The following DLGAP1 variants were observed in gnomAD, a reference collection of about 807,000 sequenced individuals.
DLGAP1 encodes DLG associated protein 1, also known as disks large-associated protein 1.
Under a neutral mutation model 90.8 loss-of-function variants are expected in DLGAP1, and 11 were observed. That is an observed-to-expected ratio of 0.12 (90% CI 0.08 to 0.20). The LOEUF is 0.20. DLGAP1 is among the 10% of genes least tolerant of loss of function. DLGAP1 has a pLI of 1.00. For synonymous variants in DLGAP1, 558 were observed against 540.7 expected (o/e 1.03, Z -0.44); for missense variants, 1,050 against 1,333.8 (o/e 0.79, Z 3.31).
chr18:3,530,176 T>C (rs2051897927), intron 10 of DLGAP1, among the ~76,000 whole-genome samples: 1 of 151,854 alleles, frequency 6.6e-6, no homozygotes, highest in Non-Finnish European at 1.5e-5. Flanking sequence ...GAGGCAGAAG[T>C]GGGGGGATTG....
chr18:4,156,158 A>G (rs899829834), intron 1 of DLGAP1, among the ~76,000 whole-genome samples: 3 of 152,226 alleles, frequency 2.0e-5, no homozygotes, highest in Non-Finnish European at 2.9e-5. Context: ...CAGGCTTTTT[A>G]GGGAAAGCTG....
intron 2 of DLGAP1, among the ~76,000 whole-genome samples, chr18:4,017,615 C>T (rs2074543972): frequency 6.6e-6 from 1 of 152,126 alleles, no homozygotes; most frequent in South Asian, 2.1e-4. Flanking sequence ...CAAAGAGTGC[C>T]CCTGCTGAAA....
At chr18:4,002,959 G>C (rs1265075078) in intron 3 of DLGAP1, among the ~76,000 whole-genome samples, 2 of 152,128 alleles carry the variant, frequency 1.3e-5, no homozygotes, top group Non-Finnish European at 2.9e-5. Flanking sequence ...GAGTGTTCTG[G>C]ATGCTGATAC....
chr18:4,089,610 C>T (rs1455424894), intron 2 of DLGAP1, among the ~76,000 whole-genome samples: 1 of 152,086 alleles, frequency 6.6e-6, no homozygotes, highest in Non-Finnish European at 1.5e-5. Context: ...GACACATAGA[C>T]CAATGGAACA....
chr18:4,004,365 C>T (rs1282015482), intron 3 of DLGAP1, among the ~76,000 whole-genome samples: 1 of 133,932 alleles, frequency 7.5e-6, no homozygotes, highest in East Asian at 1.9e-4. Flanking sequence ...GGAACAGCTA[C>T]CCCCGAGGCC....
chr18:3,647,668 G>A (rs927687062), intron 7 of DLGAP1, among the ~76,000 whole-genome samples: 4 of 151,922 alleles, frequency 2.6e-5, no homozygotes, highest in African/African-American at 7.3e-5. Context: ...GTTTCACCAT[G>A]TTGACCAGGC....
intron 1 of DLGAP1, among the ~76,000 whole-genome samples, chr18:4,190,607 A>T (rs1394515936): frequency 1.3e-5 from 2 of 152,124 alleles, no homozygotes; most frequent in Non-Finnish European, 2.9e-5. Context: ...TAATGGGAGA[A>T]ATTGTGTGCA....
intron 1 of DLGAP1, among the ~76,000 whole-genome samples, chr18:4,159,904 T>G (rs2144495962): frequency 6.6e-6 from 1 of 152,318 alleles, no homozygotes. Flanking sequence ...CTGTGGAAGC[T>G]TGGCAGCTTC....
At chr18:3,523,642 T>C (rs891584415) in intron 10 of DLGAP1, among the ~76,000 whole-genome samples, 9 of 151,586 alleles carry the variant, frequency 5.9e-5, no homozygotes, top group East Asian at 2.0e-4. Context: ...GGTCAGGAGA[T>C]CGAGACCATC....
At chr18:3,564,497 C>T (rs12608135) in intron 9 of DLGAP1, among the ~76,000 whole-genome samples, 60,716 of 151,956 alleles carry the variant, frequency 0.4, 14,601 homozygotes, top group East Asian at 0.73. Context: ...CGTGCAGGCC[C>T]TGTGAATAAG....
chr18:3,631,555 T>C (rs1185563559), intron 7 of DLGAP1, among the ~76,000 whole-genome samples: 1 of 152,086 alleles, frequency 6.6e-6, no homozygotes, highest in Non-Finnish European at 1.5e-5. Context: ...AAGACCAGCC[T>C]GGGCAACATA....
intron 7 of DLGAP1, among the ~76,000 whole-genome samples, chr18:3,724,203 A>G (rs1001631676): frequency 1.3e-5 from 2 of 152,002 alleles, no homozygotes; most frequent in Non-Finnish European, 2.9e-5. Context: ...GCACAGTGGC[A>G]TGTGCCTGTG....
At chr18:4,401,754 T>C (rs2082559583) in intron 1 of DLGAP1, among the ~76,000 whole-genome samples, 1 of 152,214 alleles carries the variant, frequency 6.6e-6, no homozygotes, top group African/African-American at 2.4e-5. Flanking sequence ...AACTTGGTAT[T>C]ACAATAATGC....
At chr18:3,834,032 C>G (rs990209239) in intron 4 of DLGAP1, among the ~76,000 whole-genome samples, 7 of 152,038 alleles carry the variant, frequency 4.6e-5, no homozygotes, top group Non-Finnish European at 1.0e-4. Flanking sequence ...ATGGGCCGGG[C>G]GTGGTGGTTC....
intron 1 of DLGAP1, among the ~76,000 whole-genome samples, chr18:4,295,765 A>G (rs1339283140): frequency 6.6e-6 from 1 of 152,250 alleles, no homozygotes; most frequent in Non-Finnish European, 1.5e-5. Flanking sequence ...AAACCAAATA[A>G]AAGTAAGTAA....
intron 4 of DLGAP1, among the ~76,000 whole-genome samples, chr18:3,833,981 T>C (rs995828909): frequency 6.6e-6 from 1 of 152,152 alleles, no homozygotes; most frequent in South Asian, 2.1e-4. Flanking sequence ...ACACAAATAA[T>C]TTCTGCAATT....
chr18:4,254,644 T>A (rs1426076544), intron 1 of DLGAP1, among the ~76,000 whole-genome samples: 2 of 151,564 alleles, frequency 1.3e-5, no homozygotes, highest in Non-Finnish European at 2.9e-5. Flanking sequence ...GACCAAATTC[T>A]AAGGTCAGGA....
intron 4 of DLGAP1, among the ~76,000 whole-genome samples, chr18:3,875,793 A>C (rs2070985013): frequency 6.6e-6 from 1 of 152,212 alleles, no homozygotes; most frequent in Admixed American, 6.5e-5. Context: ...TTGAAAATGC[A>C]TACTGAGATC....
chr18:4,212,577 C>T (rs1028238), intron 1 of DLGAP1, among the ~76,000 whole-genome samples: 6,966 of 141,750 alleles, frequency 0.049, 592 homozygotes, highest in African/African-American at 0.17. Context: ...GAGGCTGAGG[C>T]AGGAGACTGC....
Sources: gnomAD v4.1 joint callset for allele counts (sites outside exome capture counted in the v4.1 genomes callset) on GRCh38, gnomAD v4.1.1 for gene constraint, MANE v1.5 for transcripts, NCBI Gene and HGNC (gene_info 2026-07-23, HGNC 2026-07-21) for gene names.